Variants in PLSCR1 observed in about 807,000 individuals in gnomAD.
PLSCR1 encodes phospholipid scramblase 1.
Under a neutral mutation model 37.8 loss-of-function variants are expected in PLSCR1, and 17 were observed. The observed-to-expected ratio is 0.45, with a 90% CI of 0.31 to 0.68. The LOEUF is 0.68. Among genes scored for constraint, PLSCR1 ranks in the 30% least tolerant of loss-of-function variants. The pLI is 0.06. For missense variants in PLSCR1, 347 were observed against 380.9 expected, an observed-to-expected ratio of 0.91 and a Z score of 0.74; for synonymous variants, 116 against 125.9, an observed-to-expected ratio of 0.92 and a Z score of 0.53.
chr3:146,524,298 T>A (rs1393127721), intron 5 of PLSCR1, among the ~76,000 whole-genome samples: 1 of 152,184 alleles, frequency 6.6e-6, no homozygotes, highest in Non-Finnish European at 1.5e-5. Context: ...ATTTTTATTG[T>A]CTTCTGTGTT....
intron 4 of PLSCR1, among the ~76,000 whole-genome samples, chr3:146,527,416 T>G (rs1376675741): frequency 6.6e-6 from 1 of 152,224 alleles, no homozygotes; most frequent in East Asian, 1.9e-4. Context: ...TTACACGTAG[T>G]ACATGTGCAT....
chr3:146,525,208 T>C (rs1193003842), intron 5 of PLSCR1, among the ~76,000 whole-genome samples: 1 of 152,210 alleles, frequency 6.6e-6, no homozygotes, highest in Non-Finnish European at 1.5e-5. Context: ...GCACAAATGA[T>C]AATTTTCCCA....
chr3:146,538,520 A>G (rs1373245865), intron 1 of PLSCR1, among the ~76,000 whole-genome samples: 1 of 152,152 alleles, frequency 6.6e-6, no homozygotes, highest in South Asian at 2.1e-4. Context: ...TGCTTCTTAT[A>G]GGATACCTCT....
At chr3:146,537,170 T>C (rs1254085428) in intron 1 of PLSCR1, among the ~76,000 whole-genome samples, 3 of 151,914 alleles carry the variant, frequency 2.0e-5, no homozygotes, top group Non-Finnish European at 4.4e-5. Context: ...GTCACAGCCA[T>C]AGCACCTTGA....
chr3:146,518,385 G>T (rs1157069384), intron 7 of PLSCR1, among the ~76,000 whole-genome samples: 1 of 152,118 alleles, frequency 6.6e-6, no homozygotes, highest in Non-Finnish European at 1.5e-5. Flanking sequence ...CTGAAACACA[G>T]TTGACCTACA....
At chr3:146,533,199 T>C (rs1204733157) in intron 3 of PLSCR1, among the ~76,000 whole-genome samples, 2 of 152,236 alleles carry the variant, frequency 1.3e-5, no homozygotes, top group Admixed American at 6.5e-5. Flanking sequence ...ATTTGCTAAA[T>C]GTAAACCTAA....
At chr3:146,523,336 G>A (rs1309152364) in intron 5 of PLSCR1, among the ~76,000 whole-genome samples, 2 of 152,172 alleles carry the variant, frequency 1.3e-5, no homozygotes, top group South Asian at 2.1e-4. Flanking sequence ...GGGTGGGCAC[G>A]GTGGTGCTAG....
chr3:146,543,914 G>A lies in PLSCR1; in HGVS notation c.-14+553C>T, dbSNP rs984873486. 7.2e-5 allele frequency among the ~76,000 whole-genome samples: 11 copies of A among 152,296 alleles called. No homozygotes were observed. In the South Asian group the frequency reaches 2.3e-3, roughly 32 times the overall value. ...TGGAGCTAATGGTCTTAGGAACCGT[G>A]CTAGATACCGCCACTATCTTTCCTA... On this transcript the variant is annotated intron_variant, in intron 1 of 8. Transcript: ENST00000342435.
rs771090397 is a variant in PLSCR1, at chr3:146,521,531, T to C, written c.738+13A>G. On this transcript the variant is annotated intron_variant, in intron 7 of 8. Transcript: ENST00000342435. ...AGGAAAGCAAATCTTATAAACATTATGACATCTCTTACCTCAAAATCAACA... is the reference window on the plus strand; with the variant it reads ...AGGAAAGCAAATCTTATAAACATTACGACATCTCTTACCTCAAAATCAACA... The C allele has an allele frequency of 6.8e-6, 11 of 1,608,542 alleles. No homozygotes were observed. The Admixed American group carries it at 1.9e-4, about 27-fold the overall frequency.
intron 5 of PLSCR1, among the ~76,000 whole-genome samples, chr3:146,523,860 C>T (rs2044068050): frequency 6.6e-6 from 1 of 152,178 alleles, no homozygotes; most frequent in Non-Finnish European, 1.5e-5. Context: ...ATAACTGTCC[C>T]ATTTGTACAT....
At position 146,515,358 on chromosome 3, in the gene PLSCR1, T is replaced by C. The variant is rs1422675520; in HGVS notation, c.*687A>G. On this transcript the variant is annotated 3_prime_UTR_variant, in exon 9 of 9. Coordinates refer to ENST00000342435, the MANE Select transcript of PLSCR1 (RefSeq NM_021105.3). ...ACATTTCATGTAGAAATATTAACTT[T>C]CAAAAGTTATAATACCAGAGTTTTA... is the stretch of plus-strand genomic sequence containing the variant. The C allele has an allele frequency of 6.6e-6, 1 of 152,098 alleles. No homozygotes were observed. The highest frequency in any genetic ancestry group is 1.5e-5 in the Non-Finnish European group (1 of 67,984). 9.4% of individuals were successfully genotyped at this position (152,098 alleles called of 1,614,324 possible).
rs150102683 is a variant in PLSCR1, at chr3:146,539,167, G to A, written c.-13-2602C>T. ...TTCCCGCAACTAGACAGTCCCATGT[G>A]GGGGTGATGGGAGACAGTGACCGAT... On this transcript the variant is annotated intron_variant, in intron 1 of 8. Transcript: ENST00000342435. Among the ~76,000 whole-genome samples the A allele has an allele frequency of 2.2e-3, 330 of 152,342 alleles. 1 individual carries two copies. Among genetic ancestry groups the A allele is most frequent in the African/African-American group, 7.6e-3 (317 of 41,576 alleles).
rs370905612 is a variant in PLSCR1, at chr3:146,516,073, C to T, written c.929G>A (p.Ser310Asn). Residue 310 changes from serine (S) to asparagine (N), a missense_variant, in exon 9 of 9, where the codon AGC (serine) becomes AAC (asparagine). Physicochemically the swap from Ser to Asn is conservative, Grantham distance 46 (BLOSUM62 1). Coordinates refer to ENST00000342435, the MANE Select transcript of PLSCR1 (RefSeq NM_021105.3). The stretch of plus-strand genomic sequence containing the variant: ...CCACACTCCTGATTTTTGTTCCTGG[C>T]TGCCAGTGCTTTCAAAAAACATGAA... ...IDFMFFESTG[S>N]QEQKSGVW The T allele has an allele frequency of 5.0e-6, 8 of 1,608,808 alleles. No individual in the cohort carries two copies. In the African/African-American group the frequency reaches 9.4e-5, roughly 19 times the overall value.
intron 5 of PLSCR1, among the ~76,000 whole-genome samples, 162 bp from the exon 6 acceptor site, chr3:146,522,215 C>CAA (rs141664813): frequency 6.6e-5 from 10 of 150,406 alleles, no homozygotes; most frequent in Non-Finnish European, 8.9e-5. Flanking sequence ...AGAAAAATGG[C>CAA]AAAAAAAAGG....
At chr3:146,530,402 A>G (rs1417779564) in intron 3 of PLSCR1, among the ~76,000 whole-genome samples, 1 of 152,324 alleles carries the variant, frequency 6.6e-6, no homozygotes, top group East Asian at 1.9e-4. Flanking sequence ...GCTGTGTTGT[A>G]GAATATGAGG....
Position 146,516,105 on chromosome 3 carries a change from G to A in PLSCR1, c.901-4C>T, listed in dbSNP as rs1431523804. On this transcript the variant is annotated splice_polypyrimidine_tract_variant and splice_region_variant and intron_variant, in intron 8 of 8. Transcript: ENST00000342435. ...TGCTTTCAAAAAACATGAAGTCCTAGATAAAAACAAAAGTATACAAATGAA... is the reference window on the plus strand; with the variant it reads ...TGCTTTCAAAAAACATGAAGTCCTAAATAAAAACAAAAGTATACAAATGAA... 1 of 1,594,876 alleles carries A rather than the reference G, an allele frequency of 6.3e-7. No homozygotes were observed. Among genetic ancestry groups the A allele is most frequent in the African/African-American group, 1.3e-5 (1 of 74,338 alleles).
intron 3 of PLSCR1, among the ~76,000 whole-genome samples, chr3:146,532,052 T>G (rs1323921074): frequency 6.6e-6 from 1 of 152,200 alleles, no homozygotes; most frequent in Admixed American, 6.6e-5. Flanking sequence ...AGATCTCAAT[T>G]TTAAATTATC....
intron 3 of PLSCR1, 59 bp downstream of exon 3, chr3:146,533,411 A>ACT (rs578150339): frequency 3.9e-5 from 33 of 847,270 alleles, no homozygotes; most frequent in East Asian, 1.0e-4. Flanking sequence ...TCCCACTCTC[A>ACT]CTCTCTCTCT....
intron 1 of PLSCR1, among the ~76,000 whole-genome samples, chr3:146,541,750 T>G (rs2044340840): frequency 6.6e-6 from 1 of 152,238 alleles, no homozygotes; most frequent in Non-Finnish European, 1.5e-5. Flanking sequence ...GTTGGAAACT[T>G]AATTTCCAAT....
Sources: allele counts gnomAD v4.1 joint callset (sites outside exome capture counted in the v4.1 genomes callset), GRCh38; gene constraint gnomAD v4.1.1; transcripts MANE v1.5; gene names NCBI Gene and HGNC (gene_info 2026-07-23, HGNC 2026-07-21).